KHDRBS2: variants seen among roughly 807,000 people sequenced by gnomAD.
KHDRBS2 encodes the protein KH domain-containing, RNA-binding, signal transduction-associated protein 2.
KHDRBS2 carries 26 observed loss-of-function variants against 44.3 expected under a neutral mutation model. The observed-to-expected ratio is 0.59, with a 90% CI of 0.43 to 0.81. The LOEUF (loss-of-function observed/expected upper bound fraction) is 0.81, where lower values mean the gene tolerates loss of function less well. Ranked by LOEUF, KHDRBS2 falls within the 40% of genes least tolerant of loss-of-function variation. The pLI, the probability that KHDRBS2 is intolerant of heterozygous loss-of-function variation, is 0.00. For synonymous variants in KHDRBS2, 194 were observed against 151.1 expected (o/e 1.28, Z -2.08); for missense variants, 476 against 433.1 (o/e 1.10, Z -0.88).
intron 5 of KHDRBS2, among the ~76,000 whole-genome samples, chr6:61,900,988 G>C (rs1254390564): frequency 6.6e-6 from 1 of 152,024 alleles, no homozygotes; most frequent in East Asian, 1.9e-4. Flanking sequence ...CGTGACCCCA[G>C]GTAAATTTCA....
chr6:61,699,621 C>T (rs1768339214), intron 7 of KHDRBS2, among the ~76,000 whole-genome samples: 1 of 151,850 alleles, frequency 6.6e-6, no homozygotes, highest in South Asian at 2.1e-4. Flanking sequence ...TATTATCCCA[C>T]AAAGCAATTC....
intron 3 of KHDRBS2, among the ~76,000 whole-genome samples, chr6:62,025,493 T>A (rs1342655975): frequency 6.6e-6 from 1 of 151,866 alleles, no homozygotes; most frequent in Non-Finnish European, 1.5e-5. Flanking sequence ...TTTAAAAAAG[T>A]GTATCTCTAT....
chr6:62,069,986 T>C (rs1375360478), intron 2 of KHDRBS2, among the ~76,000 whole-genome samples: 3 of 151,756 alleles, frequency 2.0e-5, no homozygotes, highest in Non-Finnish European at 4.4e-5. Context: ...CCTAGGATTT[T>C]TAGTTTGTTT....
intron 6 of KHDRBS2, among the ~76,000 whole-genome samples, chr6:61,853,639 G>A (rs1477297190): frequency 1.3e-5 from 2 of 152,142 alleles, no homozygotes; most frequent in African/African-American, 4.8e-5. Flanking sequence ...TTTTATAATT[G>A]CTAGATACTG....
intron 6 of KHDRBS2, among the ~76,000 whole-genome samples, chr6:61,792,008 AT>A (rs1438927604): frequency 6.6e-6 from 1 of 150,804 alleles, no homozygotes; most frequent in Non-Finnish European, 1.5e-5. Flanking sequence ...TCTGCCAAAT[AT>A]TTTTTTCTTC....
At chr6:61,836,416 GC>G (rs759364215) in intron 6 of KHDRBS2, among the ~76,000 whole-genome samples, 28 of 152,102 alleles carry the variant, frequency 1.8e-4, no homozygotes, top group Non-Finnish European at 3.2e-4. Context: ...TGAAGAGTTG[GC>G]AAAATGACAG....
intron 7 of KHDRBS2, among the ~76,000 whole-genome samples, chr6:61,707,976 C>G (rs943208974): frequency 6.6e-6 from 1 of 151,520 alleles, no homozygotes; most frequent in African/African-American, 2.4e-5. Context: ...AATGGACAAG[C>G]TATTTAAATA....
intron 4 of KHDRBS2, among the ~76,000 whole-genome samples, chr6:61,914,296 T>C (rs188554411): frequency 1.3e-5 from 2 of 152,160 alleles, no homozygotes; most frequent in Non-Finnish European, 1.5e-5. Context: ...GTGCAACTGA[T>C]TGAATTGTAG....
the KHDRBS2 span, among the ~76,000 whole-genome samples, chr6:61,666,498 T>A: frequency 1.3e-5 from 2 of 151,336 alleles, no homozygotes; most frequent in African/African-American, 2.4e-5. Flanking sequence ...TAGGGTCCAC[T>A]TCCTAATACA....
intron 4 of KHDRBS2, among the ~76,000 whole-genome samples, chr6:61,956,797 C>T (rs566188820): frequency 6.6e-6 from 1 of 152,108 alleles, no homozygotes; most frequent in South Asian, 2.1e-4. Flanking sequence ...GCCTTAAACA[C>T]GTTTTAAAAT....
At chr6:61,884,274 T>C (rs557168076) in intron 6 of KHDRBS2, among the ~76,000 whole-genome samples, 1 of 152,164 alleles carries the variant, frequency 6.6e-6, no homozygotes, top group African/African-American at 2.4e-5. Context: ...AAGAGAAACT[T>C]CTCAAAAATT....
intron 3 of KHDRBS2, among the ~76,000 whole-genome samples, chr6:62,016,851 G>A (rs1448186914): frequency 5.3e-5 from 8 of 151,784 alleles, no homozygotes; most frequent in African/African-American, 1.9e-4. Flanking sequence ...TTCTTCAAAG[G>A]TAGGGTGTCC....
chr6:61,827,821 A>C (rs1252283333), intron 6 of KHDRBS2, among the ~76,000 whole-genome samples: 3 of 152,130 alleles, frequency 2.0e-5, no homozygotes, highest in Admixed American at 6.5e-5. Flanking sequence ...CACTAATCCC[A>C]TCATGAAGAC....
chr6:61,554,281 C>T, the KHDRBS2 span, among the ~76,000 whole-genome samples: 1 of 151,792 alleles, frequency 6.6e-6, no homozygotes, highest in African/African-American at 2.4e-5. Context: ...TTTTTAAAAT[C>T]TTTGTTGGTT....
intron 2 of KHDRBS2, among the ~76,000 whole-genome samples, chr6:62,129,320 G>A (rs189702696): frequency 6.6e-6 from 1 of 152,082 alleles, no homozygotes; most frequent in Non-Finnish European, 1.5e-5. Context: ...TCTAAACATT[G>A]TAAGTACTCT....
intron 3 of KHDRBS2, among the ~76,000 whole-genome samples, chr6:62,033,928 A>AAG (rs1294322273): frequency 3.3e-5 from 5 of 150,452 alleles, no homozygotes; most frequent in East Asian, 1.9e-4. Flanking sequence ...TATATTTAGA[A>AAG]AGAGAGAGAG....
chr6:61,842,377 T>C (rs1006013936), intron 6 of KHDRBS2, among the ~76,000 whole-genome samples: 1 of 152,224 alleles, frequency 6.6e-6, no homozygotes, highest in African/African-American at 2.4e-5. Context: ...CAAACATACA[T>C]TCAAAACTTG....
intron 4 of KHDRBS2, among the ~76,000 whole-genome samples, chr6:61,912,359 T>A (rs1354668895): frequency 6.6e-6 from 1 of 152,200 alleles, no homozygotes; most frequent in East Asian, 1.9e-4. Flanking sequence ...ATGTCATTTA[T>A]TCTTTTCCTT....
chr6:62,242,386 A>C (rs1456894710), intron 1 of KHDRBS2, among the ~76,000 whole-genome samples: 1 of 152,166 alleles, frequency 6.6e-6, no homozygotes, highest in Non-Finnish European at 1.5e-5. Flanking sequence ...CTGACATTTC[A>C]GGACAGGTAA....
Sources: allele counts gnomAD v4.1 joint callset (sites outside exome capture counted in the v4.1 genomes callset), GRCh38; gene constraint gnomAD v4.1.1; transcripts MANE v1.5; gene names NCBI Gene and HGNC (gene_info 2026-07-23, HGNC 2026-07-21).